DCLK1: variants seen among roughly 807,000 people sequenced by gnomAD.
DCLK1 encodes the protein doublecortin like kinase 1.
DCLK1 carries 16 observed loss-of-function variants against 86.2 expected under a neutral mutation model. The ratio of observed to expected loss-of-function variants is 0.19; its 90% CI spans 0.13 to 0.28. DCLK1 has a LOEUF of 0.28. Ranked by LOEUF, DCLK1 falls within the 10% of genes least tolerant of loss-of-function variation. DCLK1 has a pLI of 1.00. For synonymous variants in DCLK1, 369 were observed against 370.5 expected, an observed-to-expected ratio of 1.00 and a Z score of 0.05; for missense variants, 590 against 940.2, an observed-to-expected ratio of 0.63 and a Z score of 4.87.
Position 36,125,743 on chromosome 13 carries a change from G to C in DCLK1, c.376+19C>G. 1 of 1,603,034 alleles carries C rather than the reference G, an allele frequency of 6.2e-7. No homozygotes were observed. On this transcript the variant is annotated intron_variant, in intron 2 of 16. Transcript: ENST00000360631. ...CTGGAACCTGTAGGGTCACGTGGGG[G>C]TTATCTCACAGCGCTCACCTTCCAC...
Position 35,849,773 on chromosome 13 carries a change from G to A in DCLK1, c.1035+4726C>T, listed in dbSNP as rs1870474100. On this transcript the variant is annotated intron_variant, in intron 6 of 16. Coordinates refer to ENST00000360631, the MANE Select transcript of DCLK1 (RefSeq NM_001330071.2). ...TCAGAGTGGAGATTTGGATACTCTG[G>A]GCCTGATTTATACAGCACCATTTAA... 1.3e-5 allele frequency: 13 copies of A among 984,908 alleles called. No individual in the cohort carries two copies. In the South Asian group the frequency reaches 4.2e-4, roughly 32 times the overall value. 61.0% of individuals were successfully genotyped at this position (984,908 alleles called of 1,614,324 possible). A position where few individuals can be genotyped will look rare whatever the true frequency, so the allele number is the denominator to read the frequency against.
intron 4 of DCLK1, among the ~76,000 whole-genome samples, chr13:35,909,834 A>C (rs957077063): frequency 6.6e-6 from 1 of 151,982 alleles, no homozygotes; most frequent in Non-Finnish European, 1.5e-5. Context: ...CCTAGACTTT[A>C]TTACTCCTTA....
chr13:35,994,551 T>TA (rs1880390473), intron 3 of DCLK1, among the ~76,000 whole-genome samples: 1 of 151,990 alleles, frequency 6.6e-6, no homozygotes, highest in Non-Finnish European at 1.5e-5. Context: ...GTAATTATAC[T>TA]AAAAATAAAA....
intron 16 of DCLK1, among the ~76,000 whole-genome samples, chr13:35,781,107 A>C (rs1405585320): frequency 1.3e-5 from 2 of 152,226 alleles, no homozygotes; most frequent in Non-Finnish European, 2.9e-5. Flanking sequence ...TAAAGGAAAA[A>C]CATAGCATAG....
intron 3 of DCLK1, among the ~76,000 whole-genome samples, chr13:36,021,303 T>C (rs748261126): frequency 4.0e-5 from 6 of 150,484 alleles, no homozygotes; most frequent in Non-Finnish European, 7.4e-5. Flanking sequence ...AAAACACTTA[T>C]TTAATTGAAA....
At chr13:35,860,862 A>C (rs761703866) in intron 5 of DCLK1, among the ~76,000 whole-genome samples, 1 of 152,188 alleles carries the variant, frequency 6.6e-6, no homozygotes, top group Non-Finnish European at 1.5e-5. Context: ...CTGCAGGGCC[A>C]AATTGGGTGA....
chr13:35,792,196 G>A (rs566836260), intron 16 of DCLK1, among the ~76,000 whole-genome samples: 2 of 152,184 alleles, frequency 1.3e-5, no homozygotes, highest in African/African-American at 2.4e-5. Flanking sequence ...TTGCTCACAC[G>A]CATGTAAATC....
At chr13:36,110,629 C>A (rs1288254188) in intron 3 of DCLK1, among the ~76,000 whole-genome samples, 3 of 152,094 alleles carry the variant, frequency 2.0e-5, no homozygotes, top group Non-Finnish European at 4.4e-5. Context: ...TAAGATCAAT[C>A]TTTTAATTCA....
At chr13:36,127,257 C>T (rs1886220253) in intron 1 of DCLK1, among the ~76,000 whole-genome samples, 1 of 151,882 alleles carries the variant, frequency 6.6e-6, no homozygotes, top group Non-Finnish European at 1.5e-5. Context: ...ACTTCATTTA[C>T]TTATATTTAG....
At chr13:35,848,354 T>C (rs1870364938) in intron 6 of DCLK1, 2 of 984,982 alleles carry the variant, frequency 2.0e-6, no homozygotes, top group Non-Finnish European at 2.4e-6. Context: ...TAGAATTATG[T>C]TTTGCATAAA....
chr13:35,777,509 C>T (rs531311130), intron 16 of DCLK1, among the ~76,000 whole-genome samples: 2 of 152,292 alleles, frequency 1.3e-5, no homozygotes, highest in South Asian at 2.1e-4. Flanking sequence ...TTCTCTGTTC[C>T]CAGCCAGCAT....
rs375340046 is a variant in DCLK1, at chr13:36,090,785, GA to G, written c.723+21083del. On this transcript the variant is annotated intron_variant, in intron 3 of 16. Coordinates refer to ENST00000360631, the MANE Select transcript of DCLK1 (RefSeq NM_001330071.2). The stretch of plus-strand genomic sequence containing the variant: ...CTCTCGTGAGGTCAGTGAAAGCTCA[GA>G]GAAACAGCAGGGGAGCACAATGAGG... Among the ~76,000 whole-genome samples, 379 of 152,244 alleles carry G rather than the reference GA, an allele frequency of 2.5e-3. 1 individual carries two copies. The highest frequency in any genetic ancestry group is 8.5e-3 in the African/African-American group (355 of 41,560).
At chr13:35,979,645 G>T (rs778436324) in intron 3 of DCLK1, among the ~76,000 whole-genome samples, 1 of 152,192 alleles carries the variant, frequency 6.6e-6, no homozygotes, top group Non-Finnish European at 1.5e-5. Flanking sequence ...TCAGTCAAGT[G>T]CTGATGATTC....
At chr13:36,097,329 A>G (rs1187163384) in intron 3 of DCLK1, among the ~76,000 whole-genome samples, 1 of 152,242 alleles carries the variant, frequency 6.6e-6, no homozygotes, top group Admixed American at 6.5e-5. Flanking sequence ...TATTAAAATC[A>G]TTAAATAATA....
intron 3 of DCLK1, among the ~76,000 whole-genome samples, chr13:36,067,367 A>G (rs1883794669): frequency 7.0e-6 from 1 of 142,318 alleles, no homozygotes; most frequent in Admixed American, 7.2e-5. Flanking sequence ...ATGAGAACAC[A>G]TGGACACAGG....
intron 3 of DCLK1, among the ~76,000 whole-genome samples, chr13:36,075,429 T>C (rs1452128750): frequency 2.6e-5 from 4 of 152,194 alleles, no homozygotes; most frequent in African/African-American, 9.6e-5. Context: ...GAGATATTAC[T>C]TGTATGCGAC....
Position 36,126,335 on chromosome 13 carries a change from T to A in DCLK1, c.-19-179A>T, listed in dbSNP as rs569626015. Among the ~76,000 whole-genome samples the A allele has an allele frequency of 3.9e-5, 6 of 152,258 alleles. No individual in the cohort carries two copies. The East Asian group carries it at 1.2e-3, about 29-fold the overall frequency. ...GCCTCACACTCCTGGGCTCAAATGATCCTCCTGCATCAATCTCCCAGAGTA... is the reference window on the plus strand; with the variant it reads ...GCCTCACACTCCTGGGCTCAAATGAACCTCCTGCATCAATCTCCCAGAGTA... On this transcript the variant is annotated intron_variant, in intron 1 of 16. Transcript: ENST00000360631.
intron 3 of DCLK1, among the ~76,000 whole-genome samples, chr13:36,035,663 C>T (rs748340589): frequency 3.3e-5 from 5 of 152,120 alleles, no homozygotes; most frequent in Non-Finnish European, 4.4e-5. Context: ...CTCAGCCTCC[C>T]GAGCAGCTGG....
intron 3 of DCLK1, among the ~76,000 whole-genome samples, chr13:35,978,692 C>A (rs780039712): frequency 6.6e-6 from 1 of 152,110 alleles, no homozygotes; most frequent in Non-Finnish European, 1.5e-5. Context: ...TGTAATATCA[C>A]AATTCGCCAC....
Sources: allele counts gnomAD v4.1 joint callset (sites outside exome capture counted in the v4.1 genomes callset), GRCh38; gene constraint gnomAD v4.1.1; transcripts MANE v1.5; gene names NCBI Gene and HGNC (gene_info 2026-07-23, HGNC 2026-07-21).